The following RFTN1 variants were observed in gnomAD, a reference collection of about 807,000 sequenced individuals.
RFTN1 encodes the protein raftlin, lipid raft linker 1.
In RFTN1, 26 loss-of-function variants were observed where a neutral mutation model predicts 46.5. The observed-to-expected ratio is 0.56, with a 90% confidence interval of 0.41 to 0.78. The LOEUF is 0.78. Ranked by LOEUF, RFTN1 falls within the 30% of genes least tolerant of loss-of-function variation. The pLI, the probability that RFTN1 is intolerant of heterozygous loss-of-function variation, is 0.00. For synonymous variants in RFTN1, 261 were observed against 284.2 expected (o/e 0.92, Z 0.82); for missense variants, 693 against 718.7 (o/e 0.96, Z 0.41).
intron 4 of RFTN1, among the ~76,000 whole-genome samples, chr3:16,390,656 A>G (rs368706724): frequency 6.6e-6 from 1 of 152,258 alleles, no homozygotes; most frequent in African/African-American, 2.4e-5. Flanking sequence ...CCCAGGCACC[A>G]TCAGAGTCAG....
intron 7 of RFTN1, among the ~76,000 whole-genome samples, chr3:16,331,809 T>A (rs755716826): frequency 6.6e-6 from 1 of 152,210 alleles, no homozygotes; most frequent in Non-Finnish European, 1.5e-5. Flanking sequence ...CTGTAGTGAC[T>A]CTCTAGGCAA....
chr3:16,459,932 T>TA lies in RFTN1; in HGVS notation c.146-25896_146-25895insT, dbSNP rs1165555875. ...AAACTAAACTGGAAAACTAAGAAAATTAAATGTGATTTTTTTCTTCTCAGA... is the reference window on the plus strand; with the variant it reads ...AAACTAAACTGGAAAACTAAGAAAATATAAATGTGATTTTTTTCTTCTCAGA... On this transcript the variant is annotated intron_variant, in intron 2 of 9. Coordinates refer to ENST00000334133, the MANE Select transcript of RFTN1 (RefSeq NM_015150.2). This position sits in a 1 kb window ranked among gnomAD's most constrained non-coding sequence, Gnocchi z 4.2. Among the ~76,000 whole-genome samples the TA allele has an allele frequency of 1.6e-4, 24 of 152,278 alleles. No individual in the cohort carries two copies. The highest frequency in any genetic ancestry group is 2.2e-4 in the Non-Finnish European group (15 of 68,012).
intron 6 of RFTN1, among the ~76,000 whole-genome samples, chr3:16,358,546 A>G (rs1464653237): frequency 6.6e-6 from 1 of 152,052 alleles, no homozygotes; most frequent in African/African-American, 2.4e-5. Context: ...AGTCCAGACA[A>G]CATCTTAGGC....
At chr3:16,391,133 C>G (rs1264439335) in intron 4 of RFTN1, among the ~76,000 whole-genome samples, 1 of 151,952 alleles carries the variant, frequency 6.6e-6, no homozygotes, top group Non-Finnish European at 1.5e-5. Flanking sequence ...CCATCACCCT[C>G]ATCCCTAACA....
rs1194192023 is a variant in RFTN1 at position 16,468,538 on chromosome 3, A to G, written c.145+25187T>C. On this transcript the variant is annotated intron_variant, in intron 2 of 9. Transcript: ENST00000334133. This position sits in a 1 kb window ranked among gnomAD's most constrained non-coding sequence, Gnocchi z 4.4. ...CTTTTCATATCTTTGCTATCTTTAG[A>G]TTAGATGCTTAATGCATAAATCAGC... 6.6e-6 allele frequency among the ~76,000 whole-genome samples: 1 copy of G among 151,638 alleles called. No individual in the cohort carries two copies. The highest frequency in any genetic ancestry group is 2.4e-5 in the African/African-American group (1 of 41,278).
chr3:16,478,953 C>T (rs908832782), intron 2 of RFTN1, among the ~76,000 whole-genome samples: 1 of 152,184 alleles, frequency 6.6e-6, no homozygotes, highest in Non-Finnish European at 1.5e-5. Context: ...GAAGTGATAA[C>T]CCATCACTTT....
chr3:16,482,744 A>G (rs2124972959), intron 2 of RFTN1: 1 of 1,531,694 alleles, frequency 6.5e-7, no homozygotes, highest in South Asian at 1.2e-5. Context: ...TTATATCAAT[A>G]CCAGCAGCAT....
chr3:16,364,648 A>C (rs1314249801), intron 6 of RFTN1, among the ~76,000 whole-genome samples: 1 of 152,176 alleles, frequency 6.6e-6, no homozygotes, highest in South Asian at 2.1e-4. Context: ...ATGCTGTCCT[A>C]TATGGGGCAA....
chr3:16,456,351 C>G (rs188874244), intron 2 of RFTN1, among the ~76,000 whole-genome samples: 2 of 152,230 alleles, frequency 1.3e-5, no homozygotes, highest in East Asian at 3.9e-4. Flanking sequence ...AGAAAGTATA[C>G]CCCTCTTTTT....
At chr3:16,340,814 G>A (rs1038565648) in intron 7 of RFTN1, among the ~76,000 whole-genome samples, 2 of 152,082 alleles carry the variant, frequency 1.3e-5, no homozygotes, top group East Asian at 1.9e-4. Flanking sequence ...ATTTGTTTCC[G>A]TGGGATAAAA....
rs568655246 is a variant in RFTN1 at position 16,387,120 on chromosome 3, A to G, written c.442-9018T>C. The stretch of plus-strand genomic sequence containing the variant: ...TCCTTCTCTTCCTTCCCTGTCCATC[A>G]CATGACCCACTGCTTCCATCACTCT... On this transcript the variant is annotated intron_variant, in intron 4 of 9. Coordinates refer to ENST00000334133, the MANE Select transcript of RFTN1 (RefSeq NM_015150.2). This position sits in a 1 kb window ranked among gnomAD's most constrained non-coding sequence, Gnocchi z 5.2. 6.6e-6 allele frequency among the ~76,000 whole-genome samples: 1 copy of G among 152,272 alleles called. No individual in the cohort carries two copies. The highest frequency in any genetic ancestry group is 1.9e-4 in the East Asian group (1 of 5,188).
At position 16,489,513 on chromosome 3, in the gene RFTN1, T is replaced by G. The variant is rs1280754900; in HGVS notation, c.145+4212A>C. 2.0e-5 allele frequency among the ~76,000 whole-genome samples: 3 copies of G among 152,220 alleles called. No individual in the cohort carries two copies. The highest frequency in any genetic ancestry group is 7.2e-5 in the African/African-American group (3 of 41,456). On this transcript the variant is annotated intron_variant, in intron 2 of 9. Transcript: ENST00000334133. This position sits in a 1 kb window ranked among gnomAD's most constrained non-coding sequence, Gnocchi z 4.0. ...GAAACTTCTGGGGCAATGGAAATGT[T>G]CTGCATCTTGATGTGATGAGGGTTT...
intron 2 of RFTN1, among the ~76,000 whole-genome samples, chr3:16,478,648 T>G (rs2076319926): frequency 6.6e-6 from 1 of 152,248 alleles, no homozygotes; most frequent in Non-Finnish European, 1.5e-5. Flanking sequence ...TGAGGTTGCC[T>G]GAGGACATTG....
chr3:16,470,230 G>GCGCACACA (rs1553602051), intron 2 of RFTN1, among the ~76,000 whole-genome samples: 2 of 148,782 alleles, frequency 1.3e-5, no homozygotes, highest in Non-Finnish European at 3.0e-5. Flanking sequence ...CTGCACACAC[G>GCGCACACA]CACACACACA....
rs977981256 is a variant in RFTN1, at chr3:16,500,841, G to C, written c.-8-6964C>G. On this transcript the variant is annotated intron_variant, in intron 1 of 9. Coordinates refer to ENST00000334133, the MANE Select transcript of RFTN1 (RefSeq NM_015150.2). The surrounding 1 kb of genome is among the most constrained non-coding windows in gnomAD (Gnocchi z 5.9). ...TGCTTTGAGTCAGGCACTTGGTTAG[G>C]AAACACTAAAACTGGGAAGGCCAGG... 6.6e-6 allele frequency among the ~76,000 whole-genome samples: 1 copy of C among 152,152 alleles called. No individual in the cohort carries two copies. The highest frequency in any genetic ancestry group is 6.5e-5 in the Admixed American group (1 of 15,272).
chr3:16,478,031 G>A (rs2076310292), intron 2 of RFTN1, among the ~76,000 whole-genome samples: 1 of 152,180 alleles, frequency 6.6e-6, no homozygotes, highest in African/African-American at 2.4e-5. Flanking sequence ...ATTAGCAGAA[G>A]AACATCGTAG....
In RFTN1 at chr3:16,498,487, A is replaced by G. The variant is rs2125000450; in HGVS notation, c.-8-4610T>C. The stretch of plus-strand genomic sequence containing the variant: ...TCAAACTCTGTTAAATTTAATTTGT[A>G]TCAAGTTTTTCTTTTAATAAATACC... On this transcript the variant is annotated intron_variant, in intron 1 of 9. Coordinates refer to ENST00000334133, the MANE Select transcript of RFTN1 (RefSeq NM_015150.2). The surrounding 1 kb of genome is among the most constrained non-coding windows in gnomAD (Gnocchi z 5.2). 6.6e-6 allele frequency among the ~76,000 whole-genome samples: 1 copy of G among 152,334 alleles called. No individual in the cohort carries two copies. Among genetic ancestry groups the G allele is most frequent in the Non-Finnish European group, 1.5e-5 (1 of 68,014 alleles).
At position 16,424,074 on chromosome 3, in the gene RFTN1, G is replaced by C. The variant is rs555940994; in HGVS notation, c.332+9777C>G. 6.6e-6 allele frequency among the ~76,000 whole-genome samples: 1 copy of C among 152,262 alleles called. No homozygotes were observed. Among genetic ancestry groups the C allele is most frequent in the South Asian group, 2.1e-4 (1 of 4,820 alleles). On this transcript the variant is annotated intron_variant, in intron 3 of 9. Coordinates refer to ENST00000334133, the MANE Select transcript of RFTN1 (RefSeq NM_015150.2). This position sits in a 1 kb window ranked among gnomAD's most constrained non-coding sequence, Gnocchi z 4.7. ...TAGCCCTATGTTCTGAAACCAGCTG[G>C]GGAATTAGCAAAGCTTCTGGTCCCA...
At chr3:16,437,735 A>G (rs1392049531) in intron 2 of RFTN1, among the ~76,000 whole-genome samples, 5 of 152,048 alleles carry the variant, frequency 3.3e-5, no homozygotes, top group Non-Finnish European at 7.4e-5. Flanking sequence ...CTTGCACAAT[A>G]CTGTCACTGA....
Sources: gnomAD v4.1 joint callset for allele counts (sites outside exome capture counted in the v4.1 genomes callset) on GRCh38, gnomAD v4.1.1 for gene constraint, Gnocchi (gnomAD v3.1) non-coding constraint, MANE v1.5 for transcripts, NCBI Gene and HGNC (gene_info 2026-07-23, HGNC 2026-07-21) for gene names.